The following MTX2 variants were observed in gnomAD, a reference collection of about 807,000 sequenced individuals.
MTX2 encodes the protein metaxin 2.
A neutral mutation model predicts 42.3 loss-of-function variants in MTX2; 35 were observed. That is an observed-to-expected ratio of 0.83 (90% CI 0.63 to 1.10). MTX2 has a LOEUF of 1.10. Among genes scored for constraint, MTX2 ranks in the 50% least tolerant of loss-of-function variants. The pLI, the probability that MTX2 is intolerant of heterozygous loss-of-function variation, is 0.00. For synonymous variants in MTX2, 119 were observed against 100.9 expected (o/e 1.18, Z -1.08); for missense variants, 307 against 304.1 (o/e 1.01, Z -0.07).
At chr2:176,310,755 T>C (rs951332131) in intron 3 of MTX2, among the ~76,000 whole-genome samples, 1 of 152,226 alleles carries the variant, frequency 6.6e-6, no homozygotes, top group African/African-American at 2.4e-5. Context: ...TGTCAGGTCA[T>C]TTAAGGTCTT....
intron 3 of MTX2, among the ~76,000 whole-genome samples, chr2:176,305,882 T>C (rs1441208048): frequency 6.6e-6 from 1 of 152,142 alleles, no homozygotes; most frequent in Non-Finnish European, 1.5e-5. Context: ...TTTATGCTTA[T>C]TGAATTGTGG....
intron 3 of MTX2, among the ~76,000 whole-genome samples, chr2:176,302,459 T>G (rs146001780): frequency 0.01 from 1,596 of 152,160 alleles, 29 homozygotes; most frequent in African/African-American, 0.037. Context: ...TTTTTTGAGA[T>G]GGAGTCTAGC....
intron 1 of MTX2, among the ~76,000 whole-genome samples, chr2:176,289,712 C>T (rs555505205): frequency 1.3e-5 from 2 of 151,886 alleles, no homozygotes; most frequent in South Asian, 4.2e-4. Context: ...TAAGTTATTG[C>T]TTTGGTATGA....
chr2:176,297,953 G>A, intron 3 of MTX2, 58 bp downstream of exon 3: 1 of 1,316,864 alleles, frequency 7.6e-7, no homozygotes, highest in Non-Finnish European at 1.0e-6. Flanking sequence ...GCATCATTTT[G>A]ACTTGCAGTT....
intron 1 of MTX2, among the ~76,000 whole-genome samples, chr2:176,289,645 ATAGTAATTCTAAT>A (rs1045027195): frequency 1.2e-4 from 18 of 152,126 alleles, no homozygotes; most frequent in Non-Finnish European, 5.9e-5. Flanking sequence ...TACTATTAGA[ATAGTAATTCTAAT>A]TTTAAAGGGT....
chr2:176,293,589 C>T (rs76384016), intron 1 of MTX2, among the ~76,000 whole-genome samples: 1,699 of 152,158 alleles, frequency 0.011, 24 homozygotes, highest in African/African-American at 0.039. Flanking sequence ...ATCTCCCCCC[C>T]TTCTCTTGCT....
intron 1 of MTX2, among the ~76,000 whole-genome samples, chr2:176,281,902 C>T (rs1693085266): frequency 6.6e-6 from 1 of 152,042 alleles, no homozygotes; most frequent in Non-Finnish European, 1.5e-5. Flanking sequence ...CTCCTTTATT[C>T]TCACCAAAGG....
intron 1 of MTX2, among the ~76,000 whole-genome samples, chr2:176,289,433 A>G (rs941693543): frequency 6.6e-6 from 1 of 152,110 alleles, no homozygotes; most frequent in Admixed American, 6.6e-5. Flanking sequence ...GAAGACACTA[A>G]ATATAGAATA....
chr2:176,323,549 A>G lies in MTX2; in HGVS notation c.208+85A>G, dbSNP rs544090419. 9 of 1,271,560 alleles carry G rather than the reference A, an allele frequency of 7.1e-6. No individual in the cohort carries two copies. In the South Asian group the frequency reaches 1.1e-4, roughly 15 times the overall value. 78.8% of individuals were successfully genotyped at this position (1,271,560 alleles called of 1,614,324 possible). ...GTCCAGTTTGTATCTACATGTTAAA[A>G]TGCCTGATTTTTTTTGTTTACCCTT... On this transcript the variant is annotated intron_variant, in intron 4 of 9. Transcript: ENST00000249442.
intron 1 of MTX2, among the ~76,000 whole-genome samples, chr2:176,292,620 A>C (rs1693354159): frequency 6.6e-6 from 1 of 152,186 alleles, no homozygotes; most frequent in African/African-American, 2.4e-5. Context: ...ACATATGAAG[A>C]CAGTTATAGA....
chr2:176,316,691 C>T (rs1262462271), intron 3 of MTX2, among the ~76,000 whole-genome samples: 1 of 152,154 alleles, frequency 6.6e-6, no homozygotes, highest in African/African-American at 2.4e-5. Flanking sequence ...GTGTGAGCCA[C>T]CTTGCCCAGC....
At chr2:176,284,536 C>T (rs1263424201) in intron 1 of MTX2, among the ~76,000 whole-genome samples, 2 of 152,098 alleles carry the variant, frequency 1.3e-5, no homozygotes, top group African/African-American at 4.8e-5. Context: ...TTTTACTTTC[C>T]TTATCGAATA....
intron 3 of MTX2, among the ~76,000 whole-genome samples, chr2:176,309,479 A>G (rs945474545): frequency 2.0e-5 from 3 of 152,092 alleles, no homozygotes; most frequent in African/African-American, 4.8e-5. Context: ...TCTGTCTGAT[A>G]TTGACAGTGG....
chr2:176,306,721 G>A (rs1258363873), intron 3 of MTX2, among the ~76,000 whole-genome samples: 2 of 152,112 alleles, frequency 1.3e-5, no homozygotes, highest in Non-Finnish European at 2.9e-5. Context: ...TTTGAGAAGT[G>A]TCTGTTCATA....
At chr2:176,286,332 A>C (rs1693201432) in intron 1 of MTX2, among the ~76,000 whole-genome samples, 1 of 152,180 alleles carries the variant, frequency 6.6e-6, no homozygotes, top group Non-Finnish European at 1.5e-5. Context: ...GCCTAAATAG[A>C]AGTCTAGTTT....
At chr2:176,328,419 C>G (rs753963839) in intron 6 of MTX2, 34 bp downstream of exon 6, 8 of 1,291,150 alleles carry the variant, frequency 6.2e-6, no homozygotes, top group African/African-American at 1.5e-5. Context: ...TGAAAATAAG[C>G]TTTTTCTCTC....
At chr2:176,292,147 TTTCAGTCTCACC>T (rs1298380305) in intron 1 of MTX2, among the ~76,000 whole-genome samples, 74 of 152,158 alleles carry the variant, frequency 4.9e-4, no homozygotes, top group African/African-American at 1.7e-3. Flanking sequence ...TTTTAGAAAC[TTTCAGTCTCACC>T]TTCTGTGTTT....
At chr2:176,296,664 G>A (rs1374090007) in intron 1 of MTX2, among the ~76,000 whole-genome samples, 196 bp from the exon 2 acceptor site, 1 of 151,968 alleles carries the variant, frequency 6.6e-6, no homozygotes. Context: ...AACCAAACAT[G>A]CTTTTAAAAC....
chr2:176,284,637 T>C (rs761989645), intron 1 of MTX2, among the ~76,000 whole-genome samples: 2 of 152,206 alleles, frequency 1.3e-5, no homozygotes, highest in Non-Finnish European at 2.9e-5. Flanking sequence ...TCTTGAACAT[T>C]ATAAAATAGC....
Sources: allele counts gnomAD v4.1 joint callset (sites outside exome capture counted in the v4.1 genomes callset), GRCh38; gene constraint gnomAD v4.1.1; transcripts MANE v1.5; gene names NCBI Gene and HGNC (gene_info 2026-07-23, HGNC 2026-07-21).